Variants in KIF26B observed in about 807,000 individuals in gnomAD.
KIF26B encodes kinesin family member 26B.
In KIF26B, 63 loss-of-function variants were observed where a neutral mutation model predicts 151.2. That is an observed-to-expected ratio of 0.42 (90% CI 0.34 to 0.51). KIF26B has a LOEUF of 0.51. Among genes scored for constraint, KIF26B ranks in the 20% least tolerant of loss-of-function variants. The pLI is 0.07. For synonymous variants in KIF26B, 1,357 were observed against 1,262.1 expected (o/e 1.08, Z -1.59); for missense variants, 2,813 against 2,913.6 (o/e 0.97, Z 0.79).
In KIF26B at chr1:245,533,953, T is replaced by G. The variant is rs1403044377; in HGVS notation, c.1167-6814T>G. 2.6e-5 allele frequency among the ~76,000 whole-genome samples: 4 copies of G among 152,178 alleles called. No homozygotes were observed. In the East Asian group the frequency reaches 5.8e-4, roughly 22 times the overall value. On this transcript the variant is annotated intron_variant, in intron 4 of 14. Transcript: ENST00000407071. ...AATGAGAGCAAGTAACCATCCTATG[T>G]GAAGTTCATTTCAGTTCTAAACTGA...
intron 3 of KIF26B, among the ~76,000 whole-genome samples, chr1:245,398,731 T>A (rs970833389): frequency 7.3e-5 from 11 of 151,566 alleles, no homozygotes; most frequent in African/African-American, 2.7e-4. Flanking sequence ...AATTATAAAT[T>A]ATAATTTTTA....
chr1:245,200,381 A>G (rs1416628115), intron 2 of KIF26B, among the ~76,000 whole-genome samples: 2 of 152,198 alleles, frequency 1.3e-5, no homozygotes, highest in African/African-American at 4.8e-5. Context: ...CTGCAGCTCT[A>G]GGGACTTTGA....
intron 2 of KIF26B, among the ~76,000 whole-genome samples, chr1:245,236,671 A>G (rs909192275): frequency 2.6e-5 from 4 of 152,178 alleles, no homozygotes; most frequent in Non-Finnish European, 5.9e-5. Context: ...GTCCTTTCCT[A>G]TTTTTGGTAA....
intron 2 of KIF26B, among the ~76,000 whole-genome samples, chr1:245,309,100 A>G (rs1199155699): frequency 6.6e-6 from 1 of 152,134 alleles, no homozygotes; most frequent in Non-Finnish European, 1.5e-5. Flanking sequence ...GCAAATGTGC[A>G]TTGTGCTCTA....
chr1:245,586,087 T>C (rs1402364612), intron 5 of KIF26B, among the ~76,000 whole-genome samples: 2 of 151,988 alleles, frequency 1.3e-5, no homozygotes, highest in African/African-American at 2.4e-5. Context: ...ACCTCAAACT[T>C]CTAGGTTCAA....
chr1:245,673,378 TGC>T (rs1252461190), intron 10 of KIF26B, among the ~76,000 whole-genome samples: 1 of 132,210 alleles, frequency 7.6e-6, no homozygotes, highest in African/African-American at 2.9e-5. Context: ...CAGTCCCCGC[TGC>T]GCGCTGCCAT....
chr1:245,614,863 TAGGGATGAGGAGATGCAGACC>T, intron 9 of KIF26B: 1 of 122,006 alleles, frequency 8.2e-6, no homozygotes, highest in East Asian at 2.3e-4. Flanking sequence ...CGCATTCGGA[TAGGGATGAGGAGATGCAGACC>T]TTTAAAATCG....
chr1:245,192,313 T>C (rs547579285), intron 2 of KIF26B, among the ~76,000 whole-genome samples: 1 of 151,646 alleles, frequency 6.6e-6, no homozygotes, highest in Non-Finnish European at 1.5e-5. Flanking sequence ...CAAATGTAAG[T>C]ATTTTCTGGT....
At chr1:245,556,489 C>T (rs1662042969) in intron 5 of KIF26B, among the ~76,000 whole-genome samples, 1 of 152,130 alleles carries the variant, frequency 6.6e-6, no homozygotes, top group Non-Finnish European at 1.5e-5. Context: ...CAGGCTCAAC[C>T]TCCAAATTCA....
intron 3 of KIF26B, among the ~76,000 whole-genome samples, chr1:245,390,641 G>C (rs1200126005): frequency 6.6e-6 from 1 of 152,080 alleles, no homozygotes; most frequent in African/African-American, 2.4e-5. Flanking sequence ...CCCTCTGCCA[G>C]TAGAATACAT....
chr1:245,660,095 G>T (rs1240525114), intron 10 of KIF26B, among the ~76,000 whole-genome samples: 1 of 151,674 alleles, frequency 6.6e-6, no homozygotes, highest in Non-Finnish European at 1.5e-5. Flanking sequence ...TTTTTCTATG[G>T]CAATAATAAT....
intron 2 of KIF26B, among the ~76,000 whole-genome samples, chr1:245,317,425 G>A (rs1003218749): frequency 6.6e-6 from 1 of 152,180 alleles, no homozygotes; most frequent in Non-Finnish European, 1.5e-5. Context: ...GAGCTGGAAG[G>A]GAGGCCGTTT....
chr1:245,475,471 C>T (rs985342937), intron 4 of KIF26B, among the ~76,000 whole-genome samples: 3 of 151,280 alleles, frequency 2.0e-5, no homozygotes, highest in Non-Finnish European at 4.4e-5. Context: ...ATTGGATAGG[C>T]GGGAAAAAAA....
chr1:245,668,701 C>CTT (rs10691487), intron 10 of KIF26B, among the ~76,000 whole-genome samples: 2 of 151,124 alleles, frequency 1.3e-5, no homozygotes, highest in African/African-American at 2.5e-5. Flanking sequence ...CTTTTCTTTT[C>CTT]TTTTTTTGAG....
chr1:245,619,835 C>A (rs960991316), intron 9 of KIF26B, among the ~76,000 whole-genome samples: 2 of 151,444 alleles, frequency 1.3e-5, no homozygotes, highest in African/African-American at 4.9e-5. Flanking sequence ...ATCACTTGAA[C>A]CTGGGAGGCG....
At chr1:245,380,802 C>T (rs1673390002) in intron 3 of KIF26B, among the ~76,000 whole-genome samples, 1 of 152,016 alleles carries the variant, frequency 6.6e-6, no homozygotes, top group Admixed American at 6.5e-5. Context: ...TCTTTGGGGG[C>T]AATTTGGGGT....
At chr1:245,546,411 G>A (rs1019201605) in intron 5 of KIF26B, among the ~76,000 whole-genome samples, 2 of 152,090 alleles carry the variant, frequency 1.3e-5, no homozygotes, top group Admixed American at 1.3e-4. Context: ...AAACAGTGGG[G>A]ATAGCTCTCT....
At chr1:245,558,272 C>T (rs1237711827) in intron 5 of KIF26B, among the ~76,000 whole-genome samples, 1 of 152,206 alleles carries the variant, frequency 6.6e-6, no homozygotes, top group East Asian at 1.9e-4. Flanking sequence ...CCAAATTCCC[C>T]AGCCCAAGGC....
At chr1:245,401,473 ATTAG>A (rs1391898653) in intron 3 of KIF26B, among the ~76,000 whole-genome samples, 1 of 152,238 alleles carries the variant, frequency 6.6e-6, no homozygotes, top group East Asian at 1.9e-4. Flanking sequence ...GCATGTTTTT[ATTAG>A]TTCCTACATA....
Sources: allele counts gnomAD v4.1 joint callset (sites outside exome capture counted in the v4.1 genomes callset), GRCh38; gene constraint gnomAD v4.1.1; transcripts MANE v1.5; gene names NCBI Gene and HGNC (gene_info 2026-07-23, HGNC 2026-07-21).